Variants in ADD1 observed in about 807,000 individuals in gnomAD.
The protein encoded by ADD1 is adducin 1.
Under a neutral mutation model 80.5 loss-of-function variants are expected in ADD1, and 24 were observed. The observed-to-expected ratio is 0.30, with a 90% CI of 0.22 to 0.42. The LOEUF is 0.42. Among genes scored for constraint, ADD1 ranks in the 10% least tolerant of loss-of-function variants. The pLI is 1.00. For missense variants in ADD1, 948 were observed against 1,019.0 expected, an observed-to-expected ratio of 0.93 and a Z score of 0.95; for synonymous variants, 373 against 393.8, an observed-to-expected ratio of 0.95 and a Z score of 0.63.
rs1184424139 is a variant in ADD1, at chr4:2,904,866, G to A, written c.1264G>A (p.Ala422Thr). Residue 422 changes from alanine to threonine, a missense_variant, in exon 10 of 16, where the codon GCT becomes ACT. Physicochemically the swap from Ala to Thr is moderately conservative, Grantham distance 58. Coordinates refer to ENST00000683351, the MANE Select transcript of ADD1 (RefSeq NM_001354761.2). ...VPASVTGYSF[A>T]SDGDSGTCSP... ...TGCTAGTGTCACAGGTTACTCCTTT[G>A]CTAGTGACGGTGATTCGGGCACTTG... is the stretch of plus-strand genomic sequence containing the variant. 3.7e-6 allele frequency: 6 copies of A among 1,614,030 alleles called. No homozygotes were observed. Among genetic ancestry groups the A allele is most frequent in the Non-Finnish European group, 4.2e-6 (5 of 1,180,040 alleles).
chr4:2,919,170 C>T (rs1049855121), intron 14 of ADD1, among the ~76,000 whole-genome samples: 6 of 152,164 alleles, frequency 3.9e-5, no homozygotes, highest in Non-Finnish European at 8.8e-5. Flanking sequence ...CCTTGCATCC[C>T]AGGGATGAAG....
At chr4:2,875,116 C>G (rs1312781925) in intron 1 of ADD1, among the ~76,000 whole-genome samples, 1 of 152,080 alleles carries the variant, frequency 6.6e-6, no homozygotes, top group African/African-American at 2.4e-5. Flanking sequence ...ATAGTCCCAG[C>G]TGCTTGGGAG....
intron 6 of ADD1, among the ~76,000 whole-genome samples, chr4:2,897,584 A>G (rs1209986406): frequency 8.9e-6 from 1 of 112,870 alleles, no homozygotes; most frequent in East Asian, 2.7e-4. Flanking sequence ...AGGGTCTCAT[A>G]TGTTGCCCAG....
At chr4:2,911,527 A>G (rs752972416) in intron 13 of ADD1, among the ~76,000 whole-genome samples, 10 of 150,154 alleles carry the variant, frequency 6.7e-5, no homozygotes, top group Admixed American at 2.0e-4. Context: ...GCCCACTGCA[A>G]CCTCCGCCTC....
chr4:2,872,614 G>A (rs746846184), intron 1 of ADD1, among the ~76,000 whole-genome samples: 1 of 152,238 alleles, frequency 6.6e-6, no homozygotes, highest in Non-Finnish European at 1.5e-5. Flanking sequence ...CTGGAGTGTA[G>A]TGGTGCCATC....
rs1313708422 is a variant in ADD1, at chr4:2,899,444, G to T, written c.1161+9G>T. 2.5e-6 allele frequency: 4 copies of T among 1,614,130 alleles called. No homozygotes were observed. In the Admixed American group the frequency reaches 5.0e-5, roughly 20 times the overall value. Reference sequence around the variant, plus strand: ...GGATGCTCGATAATCTGGTAAGAATGGTGCCACCACTTGATGATAAACCTT... The same window carrying T: ...GGATGCTCGATAATCTGGTAAGAATTGTGCCACCACTTGATGATAAACCTT... On this transcript the variant is annotated intron_variant, in intron 9 of 15. Coordinates refer to ENST00000683351, the MANE Select transcript of ADD1 (RefSeq NM_001354761.2).
intron 1 of ADD1, among the ~76,000 whole-genome samples, chr4:2,864,368 G>A (rs1577467167): frequency 6.6e-6 from 1 of 152,190 alleles, no homozygotes; most frequent in South Asian, 2.1e-4. Flanking sequence ...AGCCAAGATC[G>A]TGCGTGCCAT....
chr4:2,898,430 C>A lies in ADD1; in HGVS notation c.886-3C>A. On this transcript the variant is annotated splice_polypyrimidine_tract_variant and splice_region_variant and intron_variant, in intron 7 of 15. Transcript: ENST00000683351. The stretch of plus-strand genomic sequence containing the variant: ...TCCACAGAGCATTCATGCTTCCCCT[C>A]AGGTTCTTATTCTCCGGAACCATGG... 6.2e-7 allele frequency: 1 copy of A among 1,614,214 alleles called. No homozygotes were observed. Among genetic ancestry groups the A allele is most frequent in the Non-Finnish European group, 8.5e-7 (1 of 1,180,026 alleles).
chr4:2,885,931 A>G (rs1441179794), intron 4 of ADD1, among the ~76,000 whole-genome samples: 1 of 152,046 alleles, frequency 6.6e-6, no homozygotes, highest in East Asian at 1.9e-4. Flanking sequence ...TGTTAGATTC[A>G]CAGTGCATTG....
At position 2,873,086 on chromosome 4, in the gene ADD1, A is replaced by G. The variant is rs180937768; in HGVS notation, c.-20-2810A>G. ...CAGCTCACTGCAAACTTTGCCTCCC[A>G]GGTTGAAGTAATTCTTGTGCCTCAG... On this transcript the variant is annotated intron_variant, in intron 1 of 15. Coordinates refer to ENST00000683351, the MANE Select transcript of ADD1 (RefSeq NM_001354761.2). 1.1e-3 allele frequency among the ~76,000 whole-genome samples: 164 copies of G among 151,986 alleles called. 1 individual carries two copies. The highest frequency in any genetic ancestry group is 3.5e-3 in the Admixed American group (53 of 15,242).
At chr4:2,868,872 G>C (rs2108857778) in intron 1 of ADD1, among the ~76,000 whole-genome samples, 1 of 152,334 alleles carries the variant, frequency 6.6e-6, no homozygotes, top group Admixed American at 6.5e-5. Context: ...AAGCATTCGA[G>C]TTGGATATTG....
intron 13 of ADD1, among the ~76,000 whole-genome samples, chr4:2,913,455 G>A (rs752168880): frequency 1.3e-5 from 2 of 152,224 alleles, no homozygotes; most frequent in Non-Finnish European, 1.5e-5. Flanking sequence ...TCTTGGTGAG[G>A]CAGGGCAACT....
intron 14 of ADD1, among the ~76,000 whole-genome samples, chr4:2,921,394 C>T (rs1447983759): frequency 6.6e-6 from 1 of 152,192 alleles, no homozygotes; most frequent in African/African-American, 2.4e-5. Flanking sequence ...TCCCAAAGTG[C>T]TGGGATTACA....
chr4:2,876,225 G>C, intron 2 of ADD1, 115 bp downstream of exon 2: 2 of 967,530 alleles, frequency 2.1e-6, no homozygotes, highest in South Asian at 1.9e-5. Context: ...CAGGAAATCA[G>C]TGCCTTGAGT....
At chr4:2,870,256 A>G (rs555158481) in intron 1 of ADD1, among the ~76,000 whole-genome samples, 2 of 152,368 alleles carry the variant, frequency 1.3e-5, no homozygotes, top group African/African-American at 4.8e-5. Context: ...CACATTAATA[A>G]AGATGGATCA....
intron 1 of ADD1, among the ~76,000 whole-genome samples, chr4:2,851,672 A>G (rs1431860073): frequency 6.6e-6 from 1 of 152,178 alleles, no homozygotes; most frequent in Non-Finnish European, 1.5e-5. Context: ...TATTCAAGTT[A>G]TTGTCACATA....
At chr4:2,921,712 T>C (rs1464946403) in intron 14 of ADD1, among the ~76,000 whole-genome samples, 1 of 152,322 alleles carries the variant, frequency 6.6e-6, no homozygotes, top group South Asian at 2.1e-4. Flanking sequence ...TTCTCCTGGA[T>C]AATATCCTGA....
At position 2,916,162 on chromosome 4, in the gene ADD1, A is replaced by ATATTAT. The variant is rs71662749; in HGVS notation, c.1948+1166_1948+1171dup. Among the ~76,000 whole-genome samples, 80 of 141,058 alleles carry ATATTAT rather than the reference A, an allele frequency of 5.7e-4. 1 individual carries two copies. Among genetic ancestry groups the ATATTAT allele is most frequent in the East Asian group, 2.7e-3 (13 of 4,734 alleles). 92.5% of individuals were successfully genotyped at this position (141,058 alleles called of 152,430 possible). ...TCAGTTAGTGGGAAAGCCAGCATGCATATTATTATTATTATTATTATTATT... is the reference window on the plus strand; with the variant it reads ...TCAGTTAGTGGGAAAGCCAGCATGCATATTATTATTATTATTATTATTATTATTATT... On this transcript the variant is annotated intron_variant, in intron 14 of 15. Coordinates refer to ENST00000683351, the MANE Select transcript of ADD1 (RefSeq NM_001354761.2).
chr4:2,916,490 G>A (rs61791187), intron 14 of ADD1, among the ~76,000 whole-genome samples: 8,574 of 151,998 alleles, frequency 0.056, 362 homozygotes, highest in Non-Finnish European at 0.086. Flanking sequence ...CACTGCGCCC[G>A]GCCCTGAATA....
Sources: allele counts gnomAD v4.1 joint callset (sites outside exome capture counted in the v4.1 genomes callset), GRCh38; gene constraint gnomAD v4.1.1; transcripts MANE v1.5; gene names NCBI Gene and HGNC (gene_info 2026-07-23, HGNC 2026-07-21).